SAMMSON: variants seen among roughly 807,000 people sequenced by gnomAD.
SAMMSON encodes survival associated mitochondrial melanoma specific oncogenic non-coding RNA.
At chr3:70,381,267 G>T in intron 9 of SAMMSON, among the ~76,000 whole-genome samples, 1 of 152,090 alleles carries the variant, frequency 6.6e-6, no homozygotes, top group Non-Finnish European at 1.5e-5. Context: ...ACCAAATAAA[G>T]CCTAGTTGAT....
chr3:70,370,937 A>C (rs561443624), intron 9 of SAMMSON, among the ~76,000 whole-genome samples: 3 of 151,920 alleles, frequency 2.0e-5, no homozygotes, highest in African/African-American at 7.2e-5. Flanking sequence ...TCTAGTATCC[A>C]TATAGTTTTG....
chr3:70,073,944 T>G (rs982870613), intron 4 of SAMMSON, among the ~76,000 whole-genome samples: 2 of 152,074 alleles, frequency 1.3e-5, no homozygotes, highest in Non-Finnish European at 2.9e-5. Context: ...GATGTGACCT[T>G]GTAAGTAAAG....
intron 7 of SAMMSON, among the ~76,000 whole-genome samples, chr3:70,291,634 C>T (rs1156364054): frequency 6.6e-6 from 1 of 152,184 alleles, no homozygotes; most frequent in Admixed American, 6.5e-5. Flanking sequence ...CTGGCTGTCA[C>T]TTTCCCCTGT....
intron 7 of SAMMSON, among the ~76,000 whole-genome samples, chr3:70,307,734 C>T (rs1053575199): frequency 2.0e-5 from 3 of 152,158 alleles, no homozygotes; most frequent in African/African-American, 7.2e-5. Flanking sequence ...GCTCATATCA[C>T]ACAAGCCTTG....
At chr3:70,129,094 T>G (rs1181489695) in intron 4 of SAMMSON, among the ~76,000 whole-genome samples, 1 of 152,216 alleles carries the variant, frequency 6.6e-6, no homozygotes, top group East Asian at 1.9e-4. Context: ...TCCTTTCACA[T>G]TTATTGGATA....
intron 4 of SAMMSON, among the ~76,000 whole-genome samples, chr3:70,214,884 GA>G (rs1429661021): frequency 2.0e-5 from 3 of 151,750 alleles, no homozygotes; most frequent in African/African-American, 7.3e-5. Context: ...TGTTATCTGA[GA>G]AAAAAATAGT....
chr3:70,337,160 TC>T lies in SAMMSON; in HGVS notation n.740-17014del, dbSNP rs1272396565. Among the ~76,000 whole-genome samples the T allele has an allele frequency of 7.1e-4, 44 of 62,144 alleles. 1 individual carries two copies. Among genetic ancestry groups the T allele is most frequent in the Admixed American group, 1.3e-3 (8 of 5,946 alleles). 40.8% of individuals were successfully genotyped at this position (62,144 alleles called of 152,430 possible). On this transcript the variant is annotated intron_variant and non_coding_transcript_variant, in intron 7 of 9. Coordinates refer to ENST00000642114, the Ensembl canonical transcript of SAMMSON. ...CTTAATATTATTATTAATAATAATA[TC>T]TAACTTAATATAATATTAATAATAT...
At chr3:70,036,434 A>G (rs2107585246) in intron 3 of SAMMSON, among the ~76,000 whole-genome samples, 1 of 152,256 alleles carries the variant, frequency 6.6e-6, no homozygotes, top group East Asian at 1.9e-4. Flanking sequence ...CTCTCAGATG[A>G]AGGCTTTTGT....
chr3:70,053,794 A>G (rs1246655288), intron 3 of SAMMSON, among the ~76,000 whole-genome samples: 3 of 152,110 alleles, frequency 2.0e-5, no homozygotes, highest in Non-Finnish European at 4.4e-5. Flanking sequence ...GGAATTATGC[A>G]TGTGCATTGA....
At chr3:70,302,108 C>T (rs1009560539) in intron 7 of SAMMSON, among the ~76,000 whole-genome samples, 12 of 152,088 alleles carry the variant, frequency 7.9e-5, no homozygotes, top group South Asian at 4.1e-4. Context: ...TGAAGTTATA[C>T]GCTGGCAAAA....
intron 6 of SAMMSON, among the ~76,000 whole-genome samples, chr3:70,286,806 A>C (rs911472830): frequency 1.3e-5 from 2 of 152,086 alleles, no homozygotes; most frequent in African/African-American, 4.8e-5. Flanking sequence ...TAGGTATTTT[A>C]TTCTCTTTGA....
intron 4 of SAMMSON, among the ~76,000 whole-genome samples, chr3:70,232,028 G>C (rs1172232538): frequency 6.6e-6 from 1 of 152,140 alleles, no homozygotes; most frequent in Non-Finnish European, 1.5e-5. Flanking sequence ...CCATTAATAA[G>C]CATATTCAAC....
At chr3:70,092,442 A>T (rs1413712804) in intron 4 of SAMMSON, among the ~76,000 whole-genome samples, 2 of 52,862 alleles carry the variant, frequency 3.8e-5, no homozygotes, top group Non-Finnish European at 3.4e-5. Flanking sequence ...GATCAAACTC[A>T]TGCTGTTTTT....
intron 3 of SAMMSON, among the ~76,000 whole-genome samples, chr3:70,028,992 C>T (rs757470904): frequency 7.2e-5 from 11 of 152,100 alleles, no homozygotes; most frequent in South Asian, 4.1e-4. Context: ...ACACTTGTTC[C>T]GGGTGACTAG....
chr3:70,019,621 C>T (rs1431509604), intron 3 of SAMMSON, among the ~76,000 whole-genome samples: 1 of 152,238 alleles, frequency 6.6e-6, no homozygotes, highest in African/African-American at 2.4e-5. Flanking sequence ...TTGATCCTGT[C>T]ATTATGATGT....
At chr3:70,227,380 T>C (rs1701517575) in intron 4 of SAMMSON, among the ~76,000 whole-genome samples, 2 of 152,196 alleles carry the variant, frequency 1.3e-5, no homozygotes, top group Non-Finnish European at 2.9e-5. Flanking sequence ...GATGAGAATA[T>C]GTCAAGAAAA....
chr3:70,224,399 C>G (rs1261448191), intron 4 of SAMMSON, among the ~76,000 whole-genome samples: 3 of 152,180 alleles, frequency 2.0e-5, no homozygotes, highest in South Asian at 4.1e-4. Context: ...GTTCTCCTAC[C>G]TATTCTAGAA....
chr3:70,365,408 A>G (rs919949098), intron 9 of SAMMSON, among the ~76,000 whole-genome samples: 6 of 151,842 alleles, frequency 4.0e-5, no homozygotes, highest in African/African-American at 1.4e-4. Flanking sequence ...ATATCCATAA[A>G]TATTTCTATA....
chr3:70,226,506 G>A (rs907863595), intron 4 of SAMMSON, among the ~76,000 whole-genome samples: 1 of 152,156 alleles, frequency 6.6e-6, no homozygotes, highest in Non-Finnish European at 1.5e-5. Context: ...GGGAGGCTGA[G>A]GCATGTGGAT....
Sources: gnomAD v4.1 joint callset for allele counts (sites outside exome capture counted in the v4.1 genomes callset) on GRCh38, gnomAD v4.1.1 for gene constraint, MANE v1.5 for transcripts, NCBI Gene and HGNC (gene_info 2026-07-23, HGNC 2026-07-21) for gene names.